Variants in ERG observed in about 807,000 individuals in gnomAD.
ERG encodes ETS transcription factor ERG.
ERG carries 9 observed loss-of-function variants against 55.3 expected under a neutral mutation model. The ratio of observed to expected loss-of-function variants is 0.16; its 90% CI spans 0.10 to 0.28. ERG has a LOEUF of 0.28. ERG is among the 10% of genes least tolerant of loss of function. The pLI, the probability that ERG is intolerant of heterozygous loss-of-function variation, is 1.00. For missense variants in ERG, 434 were observed against 631.6 expected (o/e 0.69, Z 3.35); for synonymous variants, 223 against 237.3 (o/e 0.94, Z 0.55).
At chr21:38,384,583 C>A (rs1275731026) in intron 9 of ERG, among the ~76,000 whole-genome samples, 3 of 151,606 alleles carry the variant, frequency 2.0e-5, no homozygotes, top group African/African-American at 7.3e-5. Context: ...ATTTTTTTTT[C>A]CTATTTTGTG....
intron 2 of ERG, among the ~76,000 whole-genome samples, chr21:38,440,811 A>G (rs2058834629): frequency 8.5e-6 from 1 of 117,774 alleles, no homozygotes; most frequent in Admixed American, 9.1e-5. Context: ...AAAAAAAAAA[A>G]AAGCCCACAG....
intron 1 of ERG, among the ~76,000 whole-genome samples, chr21:38,451,915 G>A (rs993792160): frequency 1.3e-5 from 2 of 152,124 alleles, no homozygotes; most frequent in African/African-American, 4.8e-5. Context: ...CACAAAGCTG[G>A]GTATGATCAT....
At chr21:38,475,865 A>G (rs893005114) in intron 1 of ERG, among the ~76,000 whole-genome samples, 2 of 152,208 alleles carry the variant, frequency 1.3e-5, no homozygotes, top group Non-Finnish European at 2.9e-5. Flanking sequence ...GTGGGTGCCC[A>G]GTAAATCCTT....
chr21:38,400,553 C>A (rs267606125), intron 6 of ERG, 21 bp downstream of exon 6: 1 of 1,585,410 alleles, frequency 6.3e-7, no homozygotes, highest in East Asian at 2.2e-5. Flanking sequence ...ATGAAGAGAT[C>A]ACACAGGGGT....
intron 2 of ERG, among the ~76,000 whole-genome samples, chr21:38,529,100 G>A (rs1243716406): frequency 1.3e-5 from 2 of 152,076 alleles, no homozygotes; most frequent in Admixed American, 6.6e-5. Flanking sequence ...CAGTGGTGCT[G>A]GAGGCAGGTG....
chr21:38,381,347 G>A lies in ERG; in HGVS notation c.*2056C>T. The A allele has an allele frequency of 9.4e-7, 1 of 1,063,952 alleles. No individual in the cohort carries two copies. Among genetic ancestry groups the A allele is most frequent in the Non-Finnish European group, 1.1e-6 (1 of 878,462 alleles). 65.9% of individuals were successfully genotyped at this position (1,063,952 alleles called of 1,614,324 possible). A position where few individuals can be genotyped will look rare whatever the true frequency, so the allele number is the denominator to read the frequency against. Reference sequence around the variant, plus strand: ...GTTGCCTTCACCTGGACCAAGGTTGGCAGCATTTGTGATTCAAAGAAAAGA... The same window carrying A: ...GTTGCCTTCACCTGGACCAAGGTTGACAGCATTTGTGATTCAAAGAAAAGA... On this transcript the variant is annotated 3_prime_UTR_variant, in exon 10 of 10. Transcript: ENST00000288319.
intron 2 of ERG, among the ~76,000 whole-genome samples, chr21:38,516,119 G>C (rs2059549759): frequency 6.6e-6 from 1 of 152,010 alleles, no homozygotes; most frequent in Admixed American, 6.6e-5. Context: ...TATAGGACTG[G>C]AAGTCTTAGC....
chr21:38,557,492 C>T (rs1034692926), intron 2 of ERG, among the ~76,000 whole-genome samples: 4 of 151,914 alleles, frequency 2.6e-5, no homozygotes, highest in African/African-American at 9.7e-5. Flanking sequence ...ATCCCCCGGA[C>T]TTCTGGGACC....
chr21:38,489,017 G>A (rs201479393), intron 1 of ERG, among the ~76,000 whole-genome samples: 2 of 152,336 alleles, frequency 1.3e-5, no homozygotes, highest in East Asian at 3.9e-4. Context: ...ACGAATAATG[G>A]ACCACGCATT....
chr21:38,562,361 T>G (rs181649926), intron 2 of ERG, among the ~76,000 whole-genome samples: 2 of 152,306 alleles, frequency 1.3e-5, no homozygotes, highest in Non-Finnish European at 2.9e-5. Context: ...TTGACTCACT[T>G]AGACAAATGG....
intron 2 of ERG, among the ~76,000 whole-genome samples, chr21:38,574,597 T>G (rs1056895743): frequency 1.3e-5 from 2 of 152,258 alleles, no homozygotes; most frequent in Non-Finnish European, 2.9e-5. Flanking sequence ...ACCAAATGTA[T>G]TGTTTTAAAA....
chr21:38,406,183 T>C (rs984693876), intron 3 of ERG, among the ~76,000 whole-genome samples: 1 of 109,496 alleles, frequency 9.1e-6, no homozygotes, highest in African/African-American at 3.4e-5. Context: ...AAATCATCAG[T>C]GCGCAGAACC....
intron 1 of ERG, among the ~76,000 whole-genome samples, chr21:38,591,702 C>A (rs868844054): frequency 1.3e-5 from 2 of 151,988 alleles, no homozygotes; most frequent in Admixed American, 6.6e-5. Context: ...ACAAACCAAC[C>A]AACAAACAAA....
intron 2 of ERG, among the ~76,000 whole-genome samples, chr21:38,510,041 G>T (rs1282984539): frequency 6.6e-6 from 1 of 152,180 alleles, no homozygotes; most frequent in African/African-American, 2.4e-5. Context: ...GCACAGGGAC[G>T]TGCACAGGTT....
chr21:38,499,659 T>C (rs1327371035), upstream of ERG, among the ~76,000 whole-genome samples: 1 of 151,952 alleles, frequency 6.6e-6, no homozygotes, highest in African/African-American at 2.4e-5. Flanking sequence ...ATTCTGGCTT[T>C]TATTATATAC....
chr21:38,441,063 G>A (rs766118525), intron 2 of ERG, among the ~76,000 whole-genome samples: 3 of 152,088 alleles, frequency 2.0e-5, no homozygotes, highest in Admixed American at 1.3e-4. Flanking sequence ...GACCTGACAC[G>A]CCACCCCCTT....
At chr21:38,547,670 G>A (rs2059796889) in intron 2 of ERG, among the ~76,000 whole-genome samples, 1 of 152,162 alleles carries the variant, frequency 6.6e-6, no homozygotes, top group African/African-American at 2.4e-5. Context: ...AAACTGATTT[G>A]ATTTTCATAG....
chr21:38,388,659 A>G (rs901393106), intron 9 of ERG, among the ~76,000 whole-genome samples: 7 of 152,238 alleles, frequency 4.6e-5, no homozygotes, highest in African/African-American at 1.4e-4. Context: ...ACTAAATGAA[A>G]TAAATCTTTA....
chr21:38,436,041 C>T (rs1195793406), intron 2 of ERG, among the ~76,000 whole-genome samples: 14 of 116,048 alleles, frequency 1.2e-4, no homozygotes, highest in Admixed American at 4.1e-4. Flanking sequence ...TTTTTTGAGA[C>T]GGAGTTTTGC....
Sources: gnomAD v4.1 joint callset for allele counts (sites outside exome capture counted in the v4.1 genomes callset) on GRCh38, gnomAD v4.1.1 for gene constraint, MANE v1.5 for transcripts, NCBI Gene and HGNC (gene_info 2026-07-23, HGNC 2026-07-21) for gene names.